Variants in PRELID2 observed in about 807,000 individuals in gnomAD.
The protein encoded by PRELID2 is PRELI domain containing 2, also known as PRELI domain-containing protein 2.
Under a neutral mutation model 28.4 loss-of-function variants are expected in PRELID2, and 25 were observed. The observed-to-expected ratio is 0.88, with a 90% confidence interval of 0.64 to 1.23. The LOEUF is 1.23. Among genes scored for constraint, PRELID2 ranks in the 50% most tolerant of loss-of-function variants. The pLI is 0.00. For synonymous variants in PRELID2, 76 were observed against 71.6 expected (o/e 1.06, Z -0.31); for missense variants, 201 against 214.4 (o/e 0.94, Z 0.39).
At chr5:145,330,912 G>A in the PRELID2 span, among the ~76,000 whole-genome samples, 1 of 151,526 alleles carries the variant, frequency 6.6e-6, no homozygotes, top group Non-Finnish European at 1.5e-5. Context: ...TGGGCATTTA[G>A]TGCTATAAAT....
the PRELID2 span, among the ~76,000 whole-genome samples, chr5:145,434,257 G>T: frequency 6.6e-6 from 1 of 152,154 alleles, no homozygotes; most frequent in Non-Finnish European, 1.5e-5. Flanking sequence ...AGCACACACT[G>T]CTACTAAATC....
chr5:145,756,654 G>C lies in PRELID2; in HGVS notation c.*3882C>G, dbSNP rs1757265078. 6.6e-6 allele frequency among the ~76,000 whole-genome samples: 1 copy of C among 152,202 alleles called. No homozygotes were observed. Among genetic ancestry groups the C allele is most frequent in the South Asian group, 2.1e-4 (1 of 4,824 alleles). ...ATGAGGATAAAGAAGTAAGTTAGGGGAAGAGAGTTGAGCCACTGAAATAAT... is the reference window on the plus strand; with the variant it reads ...ATGAGGATAAAGAAGTAAGTTAGGGCAAGAGAGTTGAGCCACTGAAATAAT... On this transcript the variant is annotated 3_prime_UTR_variant, in exon 7 of 7. Coordinates refer to ENST00000683046, the MANE Select transcript of PRELID2 (RefSeq NM_205846.3).
chr5:145,533,096 A>G (rs1378658307), intron 1 of PRELID2, among the ~76,000 whole-genome samples: 2 of 152,100 alleles, frequency 1.3e-5, no homozygotes, highest in Non-Finnish European at 2.9e-5. Context: ...TCTTGACCAC[A>G]TGGTTCACAC....
chr5:145,818,048 T>C lies in PRELID2; in HGVS notation c.214A>G (p.Ile72Val). The C allele has an allele frequency of 1.2e-6, 2 of 1,611,946 alleles. No individual in the cohort carries two copies. Among genetic ancestry groups the C allele is most frequent in the Non-Finnish European group, 1.7e-6 (2 of 1,178,978 alleles). Residue 72 changes from isoleucine (I) to valine (V), a missense_variant, in exon 4 of 7, where the codon ATT becomes GTT. By Grantham distance (29) the Ile-to-Val change is conservative (BLOSUM62 3). Coordinates refer to ENST00000683046, the MANE Select transcript of PRELID2 (RefSeq NM_205846.3). The stretch of plus-strand genomic sequence containing the variant: ...AATTGGATATTAGGTACTTTCAAAA[T>C]GCTCACCTGTCCAACAGAAAGAAAA... ...VVPEILRKVSILKVPNIQLEE... is the reference protein window; with the variant it reads ...VVPEILRKVSVLKVPNIQLEE...
At chr5:145,541,402 G>A (rs533619573) in intron 1 of PRELID2, among the ~76,000 whole-genome samples, 8 of 152,090 alleles carry the variant, frequency 5.3e-5, no homozygotes, top group East Asian at 3.9e-4. Context: ...ACATGGAGGC[G>A]CTCATAGTTA....
intron 4 of PRELID2, among the ~76,000 whole-genome samples, chr5:145,806,222 C>T (rs945288080): frequency 2.6e-5 from 4 of 152,224 alleles, no homozygotes; most frequent in South Asian, 2.1e-4. Flanking sequence ...TGCAATCACA[C>T]TTAGCTTAAA....
the PRELID2 span, among the ~76,000 whole-genome samples, chr5:145,364,323 T>C: frequency 6.6e-6 from 1 of 152,014 alleles, no homozygotes; most frequent in African/African-American, 2.4e-5. Context: ...ATTACAACTA[T>C]TTGACTCTAA....
At chr5:145,259,567 G>C in the PRELID2 span, among the ~76,000 whole-genome samples, 2 of 152,334 alleles carry the variant, frequency 1.3e-5, no homozygotes, top group Admixed American at 6.5e-5. Flanking sequence ...GTCTAAGTCA[G>C]TTTTCGACTT....
the PRELID2 span, among the ~76,000 whole-genome samples, chr5:145,320,749 ACTGAAAAAAATATGTG>A: frequency 2.6e-5 from 4 of 152,274 alleles, no homozygotes; most frequent in Non-Finnish European, 2.9e-5. Flanking sequence ...AGCAGAAAAG[ACTGAAAAAAATATGTG>A]CTGACTTTTT....
the PRELID2 span, among the ~76,000 whole-genome samples, chr5:145,418,013 T>G: frequency 6.6e-6 from 1 of 152,150 alleles, no homozygotes; most frequent in African/African-American, 2.4e-5. Flanking sequence ...CAGCCCAAAA[T>G]TTTCTTAAGC....
At chr5:145,731,061 A>G (rs890838595) in intron 1 of PRELID2, among the ~76,000 whole-genome samples, 3 of 152,230 alleles carry the variant, frequency 2.0e-5, no homozygotes, top group South Asian at 2.1e-4. Flanking sequence ...AGTGTCTCTC[A>G]GGTTTTAACT....
At chr5:145,549,141 C>G (rs993750678) in intron 1 of PRELID2, among the ~76,000 whole-genome samples, 4 of 152,196 alleles carry the variant, frequency 2.6e-5, no homozygotes, top group African/African-American at 9.6e-5. Flanking sequence ...GCTCTCAGAG[C>G]TCTCTCTAGA....
chr5:145,635,337 G>T (rs919978941), intron 1 of PRELID2, among the ~76,000 whole-genome samples: 3 of 151,926 alleles, frequency 2.0e-5, no homozygotes, highest in Non-Finnish European at 4.4e-5. Flanking sequence ...ATATAATATA[G>T]AGTTCACTTT....
intron 1 of PRELID2, among the ~76,000 whole-genome samples, chr5:145,479,593 A>G (rs577028274): frequency 2.0e-5 from 3 of 152,294 alleles, no homozygotes; most frequent in East Asian, 3.9e-4. Context: ...TTTCTTGTTC[A>G]TTACTGCATC....
intron 1 of PRELID2, among the ~76,000 whole-genome samples, chr5:145,685,886 G>A (rs1405586161): frequency 3.3e-5 from 5 of 152,142 alleles, no homozygotes; most frequent in African/African-American, 9.7e-5. Context: ...TCTGAGTTCT[G>A]TGAGGAATCT....
chr5:145,518,103 C>T (rs1330231149), intron 1 of PRELID2, among the ~76,000 whole-genome samples: 1 of 150,560 alleles, frequency 6.6e-6, no homozygotes, highest in Non-Finnish European at 1.5e-5. Flanking sequence ...AACAAACCTG[C>T]ACATTTTGCA....
intron 1 of PRELID2, among the ~76,000 whole-genome samples, chr5:145,732,633 A>G (rs1756377148): frequency 6.6e-6 from 1 of 152,228 alleles, no homozygotes. Flanking sequence ...GATTTATGGC[A>G]AAGTTTCTTG....
intron 1 of PRELID2, among the ~76,000 whole-genome samples, chr5:145,723,529 CAAT>C (rs1291085316): frequency 2.6e-5 from 4 of 152,138 alleles, no homozygotes; most frequent in Non-Finnish European, 4.4e-5. Context: ...CTTAATAAAA[CAAT>C]GAGTTAAAGG....
the PRELID2 span, among the ~76,000 whole-genome samples, chr5:145,415,527 A>G: frequency 0.69 from 102,570 of 148,174 alleles, 35,890 homozygotes; most frequent in Admixed American, 0.72. Flanking sequence ...GAGAACATGC[A>G]GTGTTTGGTT....
Sources: gnomAD v4.1 joint callset for allele counts (sites outside exome capture counted in the v4.1 genomes callset) on GRCh38, gnomAD v4.1.1 for gene constraint, MANE v1.5 for transcripts, NCBI Gene and HGNC (gene_info 2026-07-23, HGNC 2026-07-21) for gene names.